Variants in HDAC9 observed in about 807,000 individuals in gnomAD.
HDAC9 encodes histone deacetylase 9, also known as MEF-2 interacting transcription repressor (MITR) protein.
In HDAC9, 41 loss-of-function variants were observed where a neutral mutation model predicts 139.4. The observed-to-expected ratio is 0.29, with a 90% CI of 0.23 to 0.38. HDAC9 has a LOEUF of 0.38. Ranked by LOEUF, HDAC9 falls within the 10% of genes least tolerant of loss-of-function variation. HDAC9 has a pLI of 1.00. For synonymous variants in HDAC9, 517 were observed against 476.2 expected (o/e 1.09, Z -1.12); for missense variants, 1,147 against 1,297.0 (o/e 0.88, Z 1.78).
chr7:18,824,087 G>GAAC (rs58871197), intron 17 of HDAC9, among the ~76,000 whole-genome samples: 8 of 147,434 alleles, frequency 5.4e-5, no homozygotes, highest in East Asian at 2.0e-4. Flanking sequence ...AGAAGAAGAA[G>GAAC]AACAAGAACA....
chr7:18,203,782 G>T (rs1163148655), intron 2 of HDAC9, among the ~76,000 whole-genome samples: 2 of 152,192 alleles, frequency 1.3e-5, no homozygotes, highest in Admixed American at 6.5e-5. Context: ...CACACCAGTT[G>T]TGTCTCAACA....
At chr7:18,885,090 A>G (rs1800033856) in intron 22 of HDAC9, among the ~76,000 whole-genome samples, 1 of 152,236 alleles carries the variant, frequency 6.6e-6, no homozygotes, top group East Asian at 1.9e-4. Context: ...TTTAAATAGA[A>G]AAGATGACTT....
chr7:18,871,339 C>G (rs1211287940), intron 21 of HDAC9, among the ~76,000 whole-genome samples: 3 of 152,124 alleles, frequency 2.0e-5, no homozygotes, highest in Non-Finnish European at 4.4e-5. Flanking sequence ...TGATGCAGTG[C>G]TGGAATCAAC....
chr7:18,949,777 C>T (rs1234031408), intron 23 of HDAC9: 2 of 152,162 alleles, frequency 1.3e-5, no homozygotes, highest in East Asian at 3.9e-4. Context: ...GTGGCACCCA[C>T]TGTGGTGGGA....
chr7:18,471,411 A>G (rs1056978255), intron 1 of HDAC9, among the ~76,000 whole-genome samples: 2 of 152,160 alleles, frequency 1.3e-5, no homozygotes, highest in Admixed American at 1.3e-4. Context: ...GTTTGCATTA[A>G]TTTTGGGGTT....
In HDAC9 at chr7:19,002,230, A is replaced by T. The variant is rs1028164684; in HGVS notation, c.*6168A>T. On this transcript the variant is annotated 3_prime_UTR_variant, in exon 26 of 26. Coordinates refer to ENST00000686413, the MANE Select transcript of HDAC9 (RefSeq NM_178425.4). ...TACCATTGTTGAACATGCTCATGGA[A>T]TGTCCACCTTCTTCTGATTCCTTTT... 3.3e-5 allele frequency: 5 copies of T among 152,134 alleles called. No individual in the cohort carries two copies. The highest frequency in any genetic ancestry group is 4.8e-5 in the African/African-American group (2 of 41,454). 9.4% of individuals were successfully genotyped at this position (152,134 alleles called of 1,614,324 possible).
At chr7:18,519,588 T>A (rs952272224) in intron 2 of HDAC9, among the ~76,000 whole-genome samples, 1 of 152,072 alleles carries the variant, frequency 6.6e-6, no homozygotes, top group African/African-American at 2.4e-5. Context: ...TAAAAATAAA[T>A]GACTAGATAA....
At chr7:18,345,256 T>G (rs1483514036) in intron 1 of HDAC9, among the ~76,000 whole-genome samples, 1 of 152,030 alleles carries the variant, frequency 6.6e-6, no homozygotes, top group Admixed American at 6.6e-5. Context: ...GTGTACAAAA[T>G]GACTTAAAAT....
chr7:18,875,309 G>C (rs1236559828), intron 22 of HDAC9, among the ~76,000 whole-genome samples: 1 of 152,112 alleles, frequency 6.6e-6, no homozygotes, highest in Non-Finnish European at 1.5e-5. Context: ...ATTGGCACCA[G>C]GGGTATCTAT....
intron 1 of HDAC9, among the ~76,000 whole-genome samples, chr7:18,388,246 T>A (rs1359789986): frequency 2.0e-5 from 3 of 152,164 alleles, no homozygotes. Flanking sequence ...TTTATTTATG[T>A]TCCCAGTACC....
chr7:18,554,502 A>AT (rs1370772308), intron 2 of HDAC9, among the ~76,000 whole-genome samples: 3 of 151,750 alleles, frequency 2.0e-5, no homozygotes, highest in East Asian at 3.9e-4. Context: ...CGCCCGGCTA[A>AT]TTTTTTGTAT....
At chr7:18,260,354 T>C (rs1160610424) in intron 2 of HDAC9, among the ~76,000 whole-genome samples, 2 of 145,842 alleles carry the variant, frequency 1.4e-5, no homozygotes, top group South Asian at 2.2e-4. Flanking sequence ...GAGTGAACTC[T>C]GTCGCCCAGG....
At chr7:18,913,332 T>C (rs899278432) in intron 22 of HDAC9, among the ~76,000 whole-genome samples, 5 of 152,102 alleles carry the variant, frequency 3.3e-5, no homozygotes, top group Non-Finnish European at 7.4e-5. Context: ...TTTTCATTTA[T>C]AGATGTAGGC....
At chr7:18,935,583 T>C (rs1781574589) in intron 22 of HDAC9, among the ~76,000 whole-genome samples, 1 of 152,168 alleles carries the variant, frequency 6.6e-6, no homozygotes, top group Non-Finnish European at 1.5e-5. Flanking sequence ...GTGCCAGTCT[T>C]GGTTGTGATA....
At chr7:18,732,002 T>C (rs1786099856) in intron 13 of HDAC9, among the ~76,000 whole-genome samples, 1 of 152,082 alleles carries the variant, frequency 6.6e-6, no homozygotes, top group South Asian at 2.1e-4. Context: ...TTAAACTTTA[T>C]CACTAAATAT....
intron 25 of HDAC9, among the ~76,000 whole-genome samples, chr7:18,986,905 G>A (rs1190276538): frequency 1.3e-5 from 2 of 152,114 alleles, no homozygotes; most frequent in Admixed American, 6.6e-5. Context: ...TGTGATTTTT[G>A]TACATTGATT....
At chr7:18,866,361 A>T (rs1172932746) in intron 21 of HDAC9, among the ~76,000 whole-genome samples, 1 of 152,074 alleles carries the variant, frequency 6.6e-6, no homozygotes, top group African/African-American at 2.4e-5. Context: ...GTGTCTTGCC[A>T]TGAAGGCAAG....
intron 16 of HDAC9, among the ~76,000 whole-genome samples, chr7:18,789,378 C>T (rs1198925818): frequency 6.6e-6 from 1 of 151,824 alleles, no homozygotes; most frequent in African/African-American, 2.4e-5. Flanking sequence ...GTTGGAGAGA[C>T]AAAGGAGAAT....
At chr7:18,829,281 C>A (rs1303251822) in intron 18 of HDAC9, 65 bp downstream of exon 18, 1 of 1,328,918 alleles carries the variant, frequency 7.5e-7, no homozygotes, top group Non-Finnish European at 1.1e-6. Flanking sequence ...CTGCCCCGTG[C>A]ATGTTTCTGA....
Sources: allele counts gnomAD v4.1 joint callset (sites outside exome capture counted in the v4.1 genomes callset), GRCh38; gene constraint gnomAD v4.1.1; transcripts MANE v1.5; gene names NCBI Gene and HGNC (gene_info 2026-07-23, HGNC 2026-07-21).